Variants in SAMD5 observed in about 807,000 individuals in gnomAD.
The protein encoded by SAMD5 is sterile alpha motif domain containing 5, also known as sterile alpha motif domain-containing protein 5.
SAMD5 carries 13 observed loss-of-function variants against 11.3 expected under a neutral mutation model. The observed-to-expected ratio is 1.15, with a 90% CI of 0.75 to 1.83. The LOEUF (loss-of-function observed/expected upper bound fraction) is 1.83, where lower values mean the gene tolerates loss of function less well. Among genes scored for constraint, SAMD5 ranks in the 40% most tolerant of loss-of-function variants. SAMD5 has a pLI of 0.00. For synonymous variants in SAMD5, 129 were observed against 111.3 expected (o/e 1.16, Z -1.00); for missense variants, 255 against 239.1 (o/e 1.07, Z -0.44).
intron 1 of SAMD5, among the ~76,000 whole-genome samples, chr6:147,591,519 C>A (rs1789454836): frequency 6.6e-6 from 1 of 152,140 alleles, no homozygotes; most frequent in Non-Finnish European, 1.5e-5. Context: ...AATGTGAAAT[C>A]TGCTTGACCT....
chr6:147,569,219 TAAAAAAA>T lies in SAMD5; in HGVS notation c.*4773_*4779del. 1.4e-5 allele frequency: 3 copies of T among 215,544 alleles called. No individual in the cohort carries two copies. The highest frequency in any genetic ancestry group is 6.7e-6 in the Non-Finnish European group (1 of 149,142). The allele number at this position is 215,544 out of a possible 1,614,324, so 13.4% of individuals were successfully genotyped here. On this transcript the variant is annotated 3_prime_UTR_variant, in exon 2 of 2. Transcript: ENST00000367474. Reference sequence around the variant, plus strand: ...CTGGGCAACAGAGTGAGACTCTGTCTAAAAAAAAAAAAAAAAGAAAAGAAAAAAGAAA... The same window carrying T: ...CTGGGCAACAGAGTGAGACTCTGTCTAAAAAAAAAGAAAAGAAAAAAGAAA...
Position 147,509,221 on chromosome 6 carries a change from C to G in SAMD5, c.293C>G (p.Pro98Arg). 1 of 1,373,436 alleles carries G rather than the reference C, an allele frequency of 7.3e-7. No individual in the cohort carries two copies. Among genetic ancestry groups the G allele is most frequent in the African/African-American group, 1.5e-5 (1 of 66,240 alleles). 85.1% of individuals were successfully genotyped at this position (1,373,436 alleles called of 1,614,324 possible). The change falls in exon 1 of 2, where the codon CCG (proline) becomes CGG (arginine). Residue 98 changes from proline to arginine, a missense_variant. Coordinates refer to ENST00000367474, the MANE Select transcript of SAMD5 (RefSeq NM_001030060.3). ...GTCCCCACCGGCCGCCGGGGGGAGC[C>G]GTGCGGCGGCCCGGCCCAGGGCACC... The part of the protein sequence containing the change: ...DAVPTGRRGE[P>R]CGGPAQGTRG...
the SAMD5 span, among the ~76,000 whole-genome samples, chr6:147,828,042 T>G: frequency 6.6e-6 from 1 of 151,994 alleles, no homozygotes; most frequent in East Asian, 1.9e-4. Context: ...CGCCTCGGCC[T>G]CCCAAAGTGC....
At chr6:147,787,244 C>T in the SAMD5 span, among the ~76,000 whole-genome samples, 394 of 152,182 alleles carry the variant, frequency 2.6e-3, 1 homozygote, top group African/African-American at 7.9e-3. Flanking sequence ...AATTAAGCCT[C>T]GTTAACTTGA....
In SAMD5 at chr6:147,568,001, G is replaced by A. The variant is rs1562322898; in HGVS notation, c.*3545G>A. 4.1e-6 allele frequency: 4 copies of A among 985,342 alleles called. No homozygotes were observed. The Admixed American group carries it at 1.8e-4, about 45-fold the overall frequency. The allele number at this position is 985,342 out of a possible 1,614,324, so 61.0% of individuals were successfully genotyped here. On this transcript the variant is annotated 3_prime_UTR_variant, in exon 2 of 2. Transcript: ENST00000367474. The stretch of plus-strand genomic sequence containing the variant: ...GTCTGGGGAAATAGGCACATGGACA[G>A]ATTATATGAAGGTATTTCATTAGCT...
chr6:147,662,918 TGTA>T (rs1790667223), intron 1 of SAMD5, among the ~76,000 whole-genome samples: 1 of 152,164 alleles, frequency 6.6e-6, no homozygotes, highest in Non-Finnish European at 1.5e-5. Context: ...AATAGACAAA[TGTA>T]GTTATTTTGA....
At chr6:147,700,169 T>C (rs1042595820) in intron 1 of SAMD5, among the ~76,000 whole-genome samples, 2 of 152,232 alleles carry the variant, frequency 1.3e-5, no homozygotes, top group Non-Finnish European at 2.9e-5. Context: ...TTTGTATTAT[T>C]AAACTCGTAA....
chr6:147,679,353 A>T (rs1179837385), intron 1 of SAMD5, among the ~76,000 whole-genome samples: 3 of 152,034 alleles, frequency 2.0e-5, no homozygotes, highest in Non-Finnish European at 4.4e-5. Flanking sequence ...AACTCAAATA[A>T]GTTTGTAGTA....
the SAMD5 span, among the ~76,000 whole-genome samples, chr6:147,797,945 G>C: frequency 9.3e-5 from 14 of 150,902 alleles, no homozygotes; most frequent in Middle Eastern, 6.9e-3. Context: ...GTGTCTATTT[G>C]ATTCTTCTCT....
chr6:147,661,589 G>A (rs775691998), intron 1 of SAMD5, among the ~76,000 whole-genome samples: 2 of 152,108 alleles, frequency 1.3e-5, no homozygotes, highest in Non-Finnish European at 2.9e-5. Context: ...TATTAGTTAG[G>A]AGGACCTTGA....
chr6:147,744,020 G>T, the SAMD5 span, among the ~76,000 whole-genome samples: 3 of 152,276 alleles, frequency 2.0e-5, no homozygotes, highest in South Asian at 2.1e-4. Flanking sequence ...AAGCAGAGAG[G>T]CTTAATACCC....
the SAMD5 span, among the ~76,000 whole-genome samples, chr6:147,823,651 CA>C: frequency 6.6e-6 from 1 of 151,360 alleles, no homozygotes; most frequent in Non-Finnish European, 1.5e-5. Context: ...TAAAAAGTAC[CA>C]AAAAAAAGAG....
chr6:147,921,165 T>A, the SAMD5 span, among the ~76,000 whole-genome samples: 2 of 152,138 alleles, frequency 1.3e-5, no homozygotes, highest in Non-Finnish European at 2.9e-5. Flanking sequence ...AAAGACAGGC[T>A]AGCAAGAAAT....
At chr6:147,511,936 C>G (rs1788097059) in intron 1 of SAMD5, among the ~76,000 whole-genome samples, 1 of 152,122 alleles carries the variant, frequency 6.6e-6, no homozygotes, top group African/African-American at 2.4e-5. Context: ...TTGGCTTTGT[C>G]ATGATCAGAA....
At chr6:147,748,877 G>A in the SAMD5 span, among the ~76,000 whole-genome samples, 2 of 152,222 alleles carry the variant, frequency 1.3e-5, no homozygotes, top group Admixed American at 1.3e-4. Context: ...CCCTATATAT[G>A]GGTTGAACCA....
At chr6:147,883,773 A>G in the SAMD5 span, among the ~76,000 whole-genome samples, 1 of 152,212 alleles carries the variant, frequency 6.6e-6, no homozygotes, top group Non-Finnish European at 1.5e-5. Flanking sequence ...ACAAAGGTAT[A>G]GGTTTTGATG....
In SAMD5 at chr6:147,509,168, G is replaced by C; in HGVS notation, c.240G>C (p.Pro80=). The change falls in exon 1 of 2, where the codon CCG becomes CCC. Residue 80 remains proline (P), a synonymous_variant. Coordinates refer to ENST00000367474, the MANE Select transcript of SAMD5 (RefSeq NM_001030060.3). ...TCTACTTCACGCTTGAGCCGCAGCC[G>C]GCGCCCCCCGGGCCGCCCGCCGACG... ...AGLYFTLEPQ[P]APPGPPADAV... The C allele has an allele frequency of 7.4e-7, 1 of 1,353,742 alleles. No homozygotes were observed. The highest frequency in any genetic ancestry group is 9.5e-7 in the Non-Finnish European group (1 of 1,053,748). The allele number at this position is 1,353,742 out of a possible 1,614,324, so 83.9% of individuals were successfully genotyped here. A position where few individuals can be genotyped will look rare whatever the true frequency, so the allele number is the denominator to read the frequency against.
the SAMD5 span, among the ~76,000 whole-genome samples, chr6:147,816,301 A>AAAAAAAAAAAAATAT: frequency 1.2e-4 from 8 of 66,354 alleles, 1 homozygote; most frequent in African/African-American, 4.1e-4. Context: ...AAAAAAAAAA[A>AAAAAAAAAAAAATAT]ATATATATAT....
At chr6:147,816,659 A>G in the SAMD5 span, among the ~76,000 whole-genome samples, 2 of 152,124 alleles carry the variant, frequency 1.3e-5, no homozygotes, top group Non-Finnish European at 2.9e-5. Flanking sequence ...CATTCATTTT[A>G]TAAATGGAAA....
Sources: gnomAD v4.1 joint callset for allele counts (sites outside exome capture counted in the v4.1 genomes callset) on GRCh38, gnomAD v4.1.1 for gene constraint, MANE v1.5 for transcripts, NCBI Gene and HGNC (gene_info 2026-07-23, HGNC 2026-07-21) for gene names.